PVALB: variants seen among roughly 807,000 people sequenced by gnomAD.
PVALB encodes parvalbumin.
Under a neutral mutation model 10.9 loss-of-function variants are expected in PVALB, and 11 were observed. The observed-to-expected ratio is 1.01, with a 90% CI of 0.63 to 1.67. PVALB has a LOEUF of 1.67. PVALB is among the 40% of genes most tolerant of loss of function. The probability of loss-of-function intolerance (pLI) is 0.00; values close to 1 mark genes in which losing one functional copy is unlikely to be tolerated. For synonymous variants in PVALB, 57 were observed against 50.7 expected (o/e 1.12, Z -0.53); for missense variants, 131 against 136.2 (o/e 0.96, Z 0.19).
chr22:36,810,817 G>GAAC (rs1939034075), intron 3 of PVALB, among the ~76,000 whole-genome samples: 1 of 152,208 alleles, frequency 6.6e-6, no homozygotes, highest in African/African-American at 2.4e-5. Context: ...AGCCTTGGCT[G>GAAC]ATGCCAATAC....
intron 3 of PVALB, among the ~76,000 whole-genome samples, chr22:36,806,064 A>G (rs560049155): frequency 6.6e-6 from 1 of 152,076 alleles, no homozygotes; most frequent in African/African-American, 2.4e-5. Flanking sequence ...AGGGCTCCAT[A>G]AGATAATGGA....
In PVALB at chr22:36,800,803, T is replaced by G; in HGVS notation, c.*87A>C. ...GGAGTAAAAAATAACATAAACGAAC[T>G]GAACAGAAATGCAGGAGGGTGGCGA... On this transcript the variant is annotated 3_prime_UTR_variant, in exon 4 of 4. Coordinates refer to ENST00000417718, the MANE Select transcript of PVALB (RefSeq NM_001315532.2). The G allele has an allele frequency of 7.0e-7, 1 of 1,433,192 alleles. No homozygotes were observed. Among genetic ancestry groups the G allele is most frequent in the Non-Finnish European group, 9.8e-7 (1 of 1,015,716 alleles). 88.8% of individuals were successfully genotyped at this position (1,433,192 alleles called of 1,614,324 possible).
intron 3 of PVALB, among the ~76,000 whole-genome samples, chr22:36,805,891 AAGAGCAGCCAG>A (rs1938941566): frequency 6.6e-6 from 1 of 152,180 alleles, no homozygotes; most frequent in Admixed American, 6.5e-5. Flanking sequence ...GGAAAGCCTA[AAGAGCAGCCAG>A]CTGACCTGGT....
chr22:36,806,712 G>A (rs1298121941), intron 3 of PVALB, among the ~76,000 whole-genome samples: 1 of 152,174 alleles, frequency 6.6e-6, no homozygotes, highest in Non-Finnish European at 1.5e-5. Flanking sequence ...CAGCCACAAG[G>A]AGGCCGCGTC....
chr22:36,805,246 C>T (rs1938931430), intron 3 of PVALB, among the ~76,000 whole-genome samples: 1 of 152,142 alleles, frequency 6.6e-6, no homozygotes, highest in South Asian at 2.1e-4. Context: ...CGACTAGATG[C>T]TTCACCTCAC....
At chr22:36,812,063 A>C (rs1939054659) in intron 3 of PVALB, among the ~76,000 whole-genome samples, 1 of 152,158 alleles carries the variant, frequency 6.6e-6, no homozygotes, top group Admixed American at 6.5e-5. Flanking sequence ...ATAGGCATAC[A>C]CCTACTTTCA....
At chr22:36,804,128 C>T (rs1049914593) in intron 3 of PVALB, among the ~76,000 whole-genome samples, 9 of 152,192 alleles carry the variant, frequency 5.9e-5, no homozygotes, top group Admixed American at 2.0e-4. Context: ...GGAAGCTGGT[C>T]CTCTCTGTTT....
At chr22:36,814,621 A>T (rs1245830869) in intron 2 of PVALB, among the ~76,000 whole-genome samples, 1 of 151,810 alleles carries the variant, frequency 6.6e-6, no homozygotes, top group Non-Finnish European at 1.5e-5. Flanking sequence ...TTCTCCAAGG[A>T]CCCCTGGACT....
chr22:36,819,205 G>C (rs573704106), upstream of PVALB, among the ~76,000 whole-genome samples: 1 of 152,138 alleles, frequency 6.6e-6, no homozygotes. Flanking sequence ...GCCCAGCCAC[G>C]GGGGGCGGTG....
chr22:36,818,474 C>A, upstream of PVALB: 1 of 153,134 alleles, frequency 6.5e-6, no homozygotes, highest in Non-Finnish European at 1.5e-5. Context: ...CTTCAAGCCA[C>A]AGCCCGCCAG....
At chr22:36,819,049 C>A (rs1455499628), upstream of PVALB, among the ~76,000 whole-genome samples, 1 of 152,160 alleles carries the variant, frequency 6.6e-6, no homozygotes, top group East Asian at 1.9e-4. Context: ...GGGACTGAGC[C>A]CTCCCAGCCA....
intron 3 of PVALB, among the ~76,000 whole-genome samples, chr22:36,804,844 G>A (rs1938925943): frequency 6.6e-6 from 1 of 152,190 alleles, no homozygotes; most frequent in African/African-American, 2.4e-5. Flanking sequence ...TGAGGCAGGA[G>A]ACTAGCTTGA....
intron 2 of PVALB, 62 bp downstream of exon 2, chr22:36,815,041 C>T (rs1423178578): frequency 1.3e-6 from 2 of 1,597,538 alleles, no homozygotes; most frequent in South Asian, 1.1e-5. Flanking sequence ...AAGCTAGAGT[C>T]CCAGCCCCCA....
chr22:36,804,633 C>T (rs1053202523), intron 3 of PVALB, among the ~76,000 whole-genome samples: 5 of 152,132 alleles, frequency 3.3e-5, no homozygotes, highest in African/African-American at 1.2e-4. Flanking sequence ...CAGGTCTCTC[C>T]TTAAAGAAAA....
intron 2 of PVALB, 141 bp downstream of exon 2, chr22:36,814,962 C>T: frequency 8.8e-7 from 1 of 1,140,714 alleles, no homozygotes; most frequent in Non-Finnish European, 1.2e-6. Context: ...TGGGTCGGAG[C>T]CCTGCCTTCA....
rs149515192 is a variant in PVALB, at chr22:36,816,102, C to T, written c.61+843G>A. 3.3e-3 allele frequency among the ~76,000 whole-genome samples: 508 copies of T among 151,944 alleles called. 9 individuals are homozygous for T. The highest frequency in any genetic ancestry group is 0.027 in the Admixed American group (410 of 15,270). On this transcript the variant is annotated intron_variant, in intron 1 of 3. Transcript: ENST00000417718. ...GGAATGGCTGTTGAAGTCATGTTCT[C>T]TTCCCCTCAGCACAGGGCTAGAGAC...
At chr22:36,814,442 AC>A (rs1284186026) in intron 2 of PVALB, among the ~76,000 whole-genome samples, 1 of 151,866 alleles carries the variant, frequency 6.6e-6, no homozygotes. Flanking sequence ...CCCTACACCC[AC>A]CCCCCGCTTC....
chr22:36,801,269 T>A (rs746906252), intron 3 of PVALB, among the ~76,000 whole-genome samples: 7 of 152,254 alleles, frequency 4.6e-5, no homozygotes, highest in Non-Finnish European at 8.8e-5. Flanking sequence ...ATGCAATATC[T>A]TATTTGACTC....
chr22:36,807,175 G>A (rs909216760), intron 3 of PVALB, among the ~76,000 whole-genome samples: 2 of 152,228 alleles, frequency 1.3e-5, no homozygotes, highest in African/African-American at 4.8e-5. Context: ...TCAGCTTAGG[G>A]GAGGGAGTGG....
Sources: allele counts gnomAD v4.1 joint callset (sites outside exome capture counted in the v4.1 genomes callset), GRCh38; gene constraint gnomAD v4.1.1; transcripts MANE v1.5; gene names NCBI Gene and HGNC (gene_info 2026-07-23, HGNC 2026-07-21).